Variants in PVT1 observed in about 807,000 individuals in gnomAD.
PVT1 encodes the protein Pvt1 oncogene.
intron 4 of PVT1, among the ~76,000 whole-genome samples, chr8:128,065,539 C>T (rs768769244): frequency 1.3e-5 from 2 of 152,118 alleles, no homozygotes; most frequent in African/African-American, 4.8e-5. Context: ...CCCTTTGGTC[C>T]CTATGTTCTC....
intron 4 of PVT1, among the ~76,000 whole-genome samples, chr8:128,035,805 G>A (rs1813455166): frequency 6.6e-6 from 1 of 152,220 alleles, no homozygotes; most frequent in South Asian, 2.1e-4. Context: ...GACCATGGAA[G>A]CAGAGATTGT....
At chr8:127,837,053 C>G (rs1476955537) in intron 2 of PVT1, among the ~76,000 whole-genome samples, 1 of 152,166 alleles carries the variant, frequency 6.6e-6, no homozygotes, top group African/African-American at 2.4e-5. Context: ...ATAAGCCAGG[C>G]CCCCTGAGGG....
At chr8:127,828,810 G>A (rs1360475097) in intron 2 of PVT1, among the ~76,000 whole-genome samples, 1 of 151,992 alleles carries the variant, frequency 6.6e-6, no homozygotes, top group Non-Finnish European at 1.5e-5. Context: ...CTGACGAGAT[G>A]GACTATTTTT....
At chr8:127,924,833 A>T (rs1365426064) in intron 3 of PVT1, among the ~76,000 whole-genome samples, 3 of 151,678 alleles carry the variant, frequency 2.0e-5, no homozygotes, top group African/African-American at 7.3e-5. Context: ...TTTTTAGTAG[A>T]GATGGGGTTT....
chr8:128,009,134 A>G (rs1292698303), intron 4 of PVT1, among the ~76,000 whole-genome samples: 1 of 152,234 alleles, frequency 6.6e-6, no homozygotes, highest in Non-Finnish European at 1.5e-5. Context: ...AAATCTGCTT[A>G]TATCATTAGC....
At chr8:128,075,451 A>T (rs13263043) in intron 5 of PVT1, among the ~76,000 whole-genome samples, 2,834 of 127,696 alleles carry the variant, frequency 0.022, 68 homozygotes, top group African/African-American at 0.064. Context: ...TCCTTTTTTT[A>T]AAAAAAAATC....
In PVT1 at chr8:127,914,353, C is replaced by T. The variant is rs188007512; in HGVS notation, n.782+23355C>T. Among the ~76,000 whole-genome samples the T allele has an allele frequency of 1.6e-3, 216 of 134,682 alleles. 3 individuals carry two copies. Among genetic ancestry groups the T allele is most frequent in the Non-Finnish European group, 6.5e-4 (42 of 64,414 alleles). 88.4% of individuals were successfully genotyped at this position (134,682 alleles called of 152,430 possible). ...ATGTAGAGAAATTGGAACCCTTGTA[C>T]ATTGCTGGTAGGAATGTAAGATGAT... On this transcript the variant is annotated intron_variant and non_coding_transcript_variant, in intron 3 of 10. Coordinates refer to ENST00000651587, the Ensembl canonical transcript of PVT1.
At chr8:127,895,098 A>G (rs565673743) in intron 3 of PVT1, among the ~76,000 whole-genome samples, 1 of 152,242 alleles carries the variant, frequency 6.6e-6, no homozygotes, top group Non-Finnish European at 1.5e-5. Flanking sequence ...GGATTGAATT[A>G]TGAAATAGTA....
chr8:127,812,609 A>G (rs1814610544), intron 2 of PVT1, among the ~76,000 whole-genome samples: 1 of 146,598 alleles, frequency 6.8e-6, no homozygotes, highest in Non-Finnish European at 1.5e-5. Context: ...GGAAGAAAAA[A>G]AAGAAGGAAA....
At chr8:128,026,849 G>A (rs777956186) in intron 4 of PVT1, among the ~76,000 whole-genome samples, 5 of 152,124 alleles carry the variant, frequency 3.3e-5, no homozygotes, top group Admixed American at 6.5e-5. Flanking sequence ...ATGAGAAGAC[G>A]CTCTCTGGGG....
In PVT1 at chr8:127,864,649, G is replaced by A. The variant is rs563312064; in HGVS notation, n.373-25940G>A. Among the ~76,000 whole-genome samples, 38 of 152,168 alleles carry A rather than the reference G, an allele frequency of 2.5e-4. No homozygotes were observed. In the South Asian group the frequency reaches 3.3e-3, roughly 13 times the overall value. On this transcript the variant is annotated intron_variant and non_coding_transcript_variant, in intron 2 of 10. Transcript: ENST00000651587. ...TGCCAGCTCCGCCTCCCGGGTTCAC[G>A]CCATTCTCCTGCCTCAGCCCCCTGA... is the stretch of plus-strand genomic sequence containing the variant.
At chr8:127,833,020 G>A (rs896395039) in intron 2 of PVT1, among the ~76,000 whole-genome samples, 1 of 152,064 alleles carries the variant, frequency 6.6e-6, no homozygotes, top group African/African-American at 2.4e-5. Flanking sequence ...CCTTTGAGAG[G>A]AATCTCCCCC....
chr8:128,078,243 T>C (rs1814117546), intron 5 of PVT1, among the ~76,000 whole-genome samples: 1 of 152,220 alleles, frequency 6.6e-6, no homozygotes, highest in Non-Finnish European at 1.5e-5. Context: ...TAGCCTCTTG[T>C]AAGAAATTAA....
Position 127,862,379 on chromosome 8 carries a change from G to T in PVT1, n.373-28210G>T, listed in dbSNP as rs558847012. On this transcript the variant is annotated intron_variant and non_coding_transcript_variant, in intron 2 of 10. Coordinates refer to ENST00000651587, the Ensembl canonical transcript of PVT1. The stretch of plus-strand genomic sequence containing the variant: ...GCTGAGATCATACCACTGCACTCCA[G>T]CCTGAAAGACAGAGTGAGACTCCAT... Among the ~76,000 whole-genome samples, 137 of 152,038 alleles carry T rather than the reference G, an allele frequency of 9.0e-4. 1 individual carries two copies. The highest frequency in any genetic ancestry group is 3.0e-3 in the African/African-American group (126 of 41,446).
intron 4 of PVT1, among the ~76,000 whole-genome samples, chr8:128,022,658 T>C (rs1406973331): frequency 6.6e-6 from 1 of 152,188 alleles, no homozygotes; most frequent in East Asian, 1.9e-4. Context: ...ACAGTTGAAA[T>C]AGCCCAAGTT....
intron 3 of PVT1, among the ~76,000 whole-genome samples, chr8:127,985,841 A>G (rs1280573872): frequency 6.6e-6 from 1 of 152,084 alleles, no homozygotes; most frequent in Admixed American, 6.6e-5. Flanking sequence ...TGATTTCCAC[A>G]TCATGAACCC....
chr8:127,922,284 C>A (rs1586437342), intron 3 of PVT1, among the ~76,000 whole-genome samples: 1 of 145,172 alleles, frequency 6.9e-6, no homozygotes, highest in Non-Finnish European at 1.5e-5. Context: ...CCACCCCCCC[C>A]CCCACCAAGG....
chr8:127,798,288 G>A (rs1489371739), intron 2 of PVT1, among the ~76,000 whole-genome samples: 1 of 151,422 alleles, frequency 6.6e-6, no homozygotes, highest in Non-Finnish European at 1.5e-5. Context: ...TGGGCAACAA[G>A]AGCAAAACTC....
chr8:127,935,728 T>A (rs1230466967), intron 3 of PVT1, among the ~76,000 whole-genome samples: 1 of 152,192 alleles, frequency 6.6e-6, no homozygotes, highest in East Asian at 1.9e-4. Context: ...AATGGGACAG[T>A]ATGTATCCCA....
Sources: allele counts gnomAD v4.1 joint callset (sites outside exome capture counted in the v4.1 genomes callset), GRCh38; gene constraint gnomAD v4.1.1; transcripts MANE v1.5; gene names NCBI Gene and HGNC (gene_info 2026-07-23, HGNC 2026-07-21).